Variants in UNC5A observed in about 807,000 individuals in gnomAD.
The protein encoded by UNC5A is netrin receptor UNC5A.
A neutral mutation model predicts 87.4 loss-of-function variants in UNC5A; 20 were observed. The ratio of observed to expected loss-of-function variants is 0.23; its 90% CI spans 0.16 to 0.33. The LOEUF (loss-of-function observed/expected upper bound fraction) is 0.33. UNC5A is among the 10% of genes least tolerant of loss of function. UNC5A has a pLI of 1.00. For missense variants in UNC5A, 844 were observed against 1,133.4 expected (o/e 0.74, Z 3.67); for synonymous variants, 438 against 482.3 (o/e 0.91, Z 1.20).
chr5:176,854,694 G>A (rs965691958), intron 1 of UNC5A, among the ~76,000 whole-genome samples: 2 of 152,220 alleles, frequency 1.3e-5, no homozygotes, highest in Non-Finnish European at 2.9e-5. Flanking sequence ...CTTCGTTCCT[G>A]GGCTCTTGTC....
intron 1 of UNC5A, among the ~76,000 whole-genome samples, chr5:176,822,290 G>A (rs1756745751): frequency 6.6e-6 from 1 of 152,266 alleles, no homozygotes; most frequent in African/African-American, 2.4e-5. Context: ...TGTGTGGAGG[G>A]GTGTGCGGAG....
intron 1 of UNC5A, among the ~76,000 whole-genome samples, chr5:176,856,016 G>A (rs1314847378): frequency 6.6e-6 from 1 of 152,190 alleles, no homozygotes; most frequent in Non-Finnish European, 1.5e-5. Context: ...TGGAAGGAAT[G>A]GCGGCAGCCG....
chr5:176,827,710 C>T (rs78235379), intron 1 of UNC5A, among the ~76,000 whole-genome samples: 3,116 of 152,302 alleles, frequency 0.02, 96 homozygotes, highest in African/African-American at 0.07. Flanking sequence ...GTTGAACTTC[C>T]TGAGGAACTG....
intron 2 of UNC5A, among the ~76,000 whole-genome samples, chr5:176,867,754 C>T (rs1247509112): frequency 6.6e-6 from 1 of 152,194 alleles, no homozygotes; most frequent in Non-Finnish European, 1.5e-5. Context: ...CTGTCTGCCC[C>T]ACCCCTTCTG....
At position 176,838,807 on chromosome 5, in the gene UNC5A, C is replaced by T. The variant is rs1757202493; in HGVS notation, c.71-23817C>T. The stretch of plus-strand genomic sequence containing the variant: ...AGCCCTGGGGAATGTCTCCTGGGAC[C>T]TCAGTGGCTGGCCCACATGCCCATC... On this transcript the variant is annotated intron_variant, in intron 1 of 14. Coordinates refer to ENST00000329542, the MANE Select transcript of UNC5A (RefSeq NM_133369.3). The surrounding 1 kb of genome is among the most constrained non-coding windows in gnomAD (Gnocchi z 4.2). Among the ~76,000 whole-genome samples, 3 of 152,228 alleles carry T rather than the reference C, an allele frequency of 2.0e-5. No homozygotes were observed. The highest frequency in any genetic ancestry group is 1.3e-4 in the Admixed American group (2 of 15,286).
intron 1 of UNC5A, among the ~76,000 whole-genome samples, chr5:176,831,325 T>A: frequency 6.6e-6 from 1 of 152,158 alleles, no homozygotes; most frequent in East Asian, 1.9e-4. Flanking sequence ...GGCAGCTGTA[T>A]GGAACCCCCA....
At chr5:176,863,071 G>A (rs868730880) in intron 2 of UNC5A, among the ~76,000 whole-genome samples, 23 of 152,212 alleles carry the variant, frequency 1.5e-4, no homozygotes, top group East Asian at 1.3e-3. Context: ...TTTGTGCGTC[G>A]GTTCATTCGA....
chr5:176,810,750 C>T lies in UNC5A; in HGVS notation c.-1C>T. 1 of 1,170,404 alleles carries T rather than the reference C, an allele frequency of 8.5e-7. No homozygotes were observed. The highest frequency in any genetic ancestry group is 1.1e-6 in the Non-Finnish European group (1 of 949,390). The allele number at this position is 1,170,404 out of a possible 1,614,324, so 72.5% of individuals were successfully genotyped here. On this transcript the variant is annotated 5_prime_UTR_variant, in exon 1 of 15. Transcript: ENST00000329542. The surrounding 1 kb of genome is among the most constrained non-coding windows in gnomAD (Gnocchi z 7.3). Reference sequence around the variant, plus strand: ...GCCCGCCCGCCTGCCCGCCCGCGGCCATGGCCGTCCGGCCCGGCCTGTGGC... The same window carrying T: ...GCCCGCCCGCCTGCCCGCCCGCGGCTATGGCCGTCCGGCCCGGCCTGTGGC...
intron 1 of UNC5A, among the ~76,000 whole-genome samples, chr5:176,817,386 C>T (rs915166986): frequency 6.6e-6 from 1 of 152,140 alleles, no homozygotes; most frequent in African/African-American, 2.4e-5. Context: ...TAGGTGTCCC[C>T]AGCCAGGGCG....
chr5:176,867,332 G>A (rs954276685), intron 2 of UNC5A, among the ~76,000 whole-genome samples: 4 of 152,170 alleles, frequency 2.6e-5, no homozygotes, highest in Admixed American at 1.3e-4. Flanking sequence ...GGCAGAAGGT[G>A]GGGGGCTGAG....
At chr5:176,833,713 CTTT>C (rs1401997142) in intron 1 of UNC5A, among the ~76,000 whole-genome samples, 2 of 142,082 alleles carry the variant, frequency 1.4e-5, no homozygotes, top group African/African-American at 2.6e-5. Context: ...TTTTTTCTTT[CTTT>C]TTTTTTTTTT....
intron 1 of UNC5A, among the ~76,000 whole-genome samples, chr5:176,842,090 G>C (rs572063277): frequency 6.6e-6 from 1 of 152,186 alleles, no homozygotes; most frequent in Admixed American, 6.5e-5. Flanking sequence ...CCAGCTACTC[G>C]GGAGGCTGAG....
At chr5:176,823,440 G>A (rs192683401) in intron 1 of UNC5A, among the ~76,000 whole-genome samples, 20 of 152,258 alleles carry the variant, frequency 1.3e-4, no homozygotes, top group African/African-American at 3.6e-4. Context: ...CACTGGGGGC[G>A]AAGGGCAGAC....
intron 1 of UNC5A, among the ~76,000 whole-genome samples, chr5:176,831,445 A>C (rs1271708705): frequency 6.6e-6 from 1 of 152,182 alleles, no homozygotes; most frequent in Admixed American, 6.5e-5. Flanking sequence ...TTCTCTGCGC[A>C]GGAATGCTCA....
chr5:176,875,935 G>T lies in UNC5A; in HGVS notation c.1379-1257G>T, dbSNP rs1053753522. Among the ~76,000 whole-genome samples, 3 of 152,258 alleles carry T rather than the reference G, an allele frequency of 2.0e-5. No homozygotes were observed. The highest frequency in any genetic ancestry group is 2.9e-5 in the Non-Finnish European group (2 of 68,050). Reference sequence around the variant, plus strand: ...AACGAACCCCTCATGGGGCTGTTGGGATGACGAGGTGAGACGGCATCTGTC... The same window carrying T: ...AACGAACCCCTCATGGGGCTGTTGGTATGACGAGGTGAGACGGCATCTGTC... On this transcript the variant is annotated intron_variant, in intron 8 of 14. Transcript: ENST00000329542. This position sits in a 1 kb window ranked among gnomAD's most constrained non-coding sequence, Gnocchi z 5.2.
chr5:176,812,562 A>C (rs1424902660), intron 1 of UNC5A, among the ~76,000 whole-genome samples: 1 of 152,162 alleles, frequency 6.6e-6, no homozygotes, highest in Non-Finnish European at 1.5e-5. Context: ...ATAAGGGGGC[A>C]CAGGTACCGG....
At chr5:176,864,409 A>G (rs555602520) in intron 2 of UNC5A, among the ~76,000 whole-genome samples, 40 of 152,230 alleles carry the variant, frequency 2.6e-4, no homozygotes, top group Non-Finnish European at 5.3e-4. Flanking sequence ...TGCTGGGCAC[A>G]GGGAGACTGG....
chr5:176,856,310 C>G (rs1757666554), intron 1 of UNC5A, among the ~76,000 whole-genome samples: 1 of 152,220 alleles, frequency 6.6e-6, no homozygotes, highest in African/African-American at 2.4e-5. Context: ...CAGCGGGTGG[C>G]TGGGGGCAGC....
intron 1 of UNC5A, among the ~76,000 whole-genome samples, chr5:176,817,138 G>T (rs887008099): frequency 2.6e-5 from 4 of 152,206 alleles, no homozygotes; most frequent in African/African-American, 9.6e-5. Context: ...GTGCTGTGGT[G>T]GGAGCGCCAA....
Sources: allele counts gnomAD v4.1 joint callset (sites outside exome capture counted in the v4.1 genomes callset), GRCh38; gene constraint gnomAD v4.1.1; non-coding constraint Gnocchi (gnomAD v3.1); transcripts MANE v1.5; gene names NCBI Gene and HGNC (gene_info 2026-07-23, HGNC 2026-07-21).